CASZ1: variants seen among roughly 807,000 people sequenced by gnomAD.
CASZ1 encodes the protein castor zinc finger 1.
CASZ1 carries 28 observed loss-of-function variants against 135.2 expected under a neutral mutation model. That is an observed-to-expected ratio of 0.21 (90% CI 0.15 to 0.28). The LOEUF (loss-of-function observed/expected upper bound fraction) is 0.28. Ranked by LOEUF, CASZ1 falls within the 10% of genes least tolerant of loss-of-function variation. The pLI, the probability that CASZ1 is intolerant of heterozygous loss-of-function variation, is 1.00. For missense variants in CASZ1, 2,161 were observed against 2,453.3 expected (o/e 0.88, Z 2.52); for synonymous variants, 1,068 against 1,073.4 (o/e 0.99, Z 0.10).
At chr1:10,674,811 C>T (rs752527347) in intron 4 of CASZ1, among the ~76,000 whole-genome samples, 14 of 152,216 alleles carry the variant, frequency 9.2e-5, no homozygotes, top group Non-Finnish European at 1.9e-4. Flanking sequence ...TGCTCCCATC[C>T]CCGCTAAAGC....
intron 2 of CASZ1, among the ~76,000 whole-genome samples, chr1:10,722,325 G>T (rs1389431243): frequency 2.6e-5 from 4 of 152,238 alleles, no homozygotes; most frequent in Non-Finnish European, 5.9e-5. Flanking sequence ...AAGACACTCA[G>T]TAAAGGATGA....
rs373248558 is a variant in CASZ1, at chr1:10,644,978, C to T, written c.3807G>A (p.Ala1269=). 1.4e-5 allele frequency: 22 copies of T among 1,614,016 alleles called. No homozygotes were observed. The highest frequency in any genetic ancestry group is 1.1e-4 in the East Asian group (5 of 44,880). ...LPWHIKKHEK[A]ERRAANGFKY... is the part of the protein sequence containing the mutation. The stretch of plus-strand genomic sequence containing the variant: ...TGAAGCCATTGGCTGCCCGCCGCTC[C>T]GCCTTCTCATGCTTCTTGATGTGCC... Residue 1269 remains alanine (A), a synonymous_variant, in exon 18 of 21, where the codon GCG becomes GCA. Coordinates refer to ENST00000377022, the MANE Select transcript of CASZ1 (RefSeq NM_001079843.3).
rs1232145964 is a variant in CASZ1 at position 10,699,114 on chromosome 1, C to CT, written c.-23-5203dup. On this transcript the variant is annotated intron_variant, in intron 3 of 20. Transcript: ENST00000377022. The surrounding 1 kb of genome is among the most constrained non-coding windows in gnomAD (Gnocchi z 4.6). ...CAGAGGCTGCTTGCTCCAGGGCGTTCTCAGGGGCCCATGAGGCCTGGCAGG... is the reference window on the plus strand; with the variant it reads ...CAGAGGCTGCTTGCTCCAGGGCGTTCTTCAGGGGCCCATGAGGCCTGGCAGG... Among the ~76,000 whole-genome samples the CT allele has an allele frequency of 2.0e-5, 3 of 152,138 alleles. No homozygotes were observed. The highest frequency in any genetic ancestry group is 1.5e-5 in the Non-Finnish European group (1 of 68,018).
At chr1:10,773,403 G>T (rs971199015) in intron 1 of CASZ1, among the ~76,000 whole-genome samples, 2 of 151,946 alleles carry the variant, frequency 1.3e-5, no homozygotes, top group Non-Finnish European at 2.9e-5. Context: ...GGCTGGGGGA[G>T]GGGGCGGGGG....
At chr1:10,748,314 T>C (rs1304614093) in intron 2 of CASZ1, among the ~76,000 whole-genome samples, 18 of 152,134 alleles carry the variant, frequency 1.2e-4, no homozygotes, top group Admixed American at 1.2e-3. Flanking sequence ...CCTGTGTATA[T>C]ACCGTGTTCT....
Position 10,649,128 on chromosome 1 carries a change from C to A in CASZ1, c.3100G>T (p.Val1034Leu). Residue 1034 changes from valine to leucine, a missense_variant, in exon 15 of 21, where the codon GTG (valine) becomes TTG (leucine). By Grantham distance (32) the Val-to-Leu change is conservative. Around this residue, in one of 7 missense-constraint regions of CASZ1, gnomAD observed 349 missense variants for 460.8 expected, o/e 0.76. Coordinates refer to ENST00000377022, the MANE Select transcript of CASZ1 (RefSeq NM_001079843.3). ...AAGAGCGCGCCGCATTCCTCCACCA[C>A]GCAGTGGAAGTGGGCCTTGTGGAGG... ...DFLHKAHFHC[V>L]VEECGALFST... The A allele has an allele frequency of 6.2e-7, 1 of 1,613,746 alleles. No homozygotes were observed. The highest frequency in any genetic ancestry group is 1.1e-5 in the South Asian group (1 of 91,082).
intron 4 of CASZ1, among the ~76,000 whole-genome samples, chr1:10,690,386 C>T (rs551175374): frequency 2.0e-5 from 3 of 152,276 alleles, no homozygotes; most frequent in South Asian, 4.1e-4. Context: ...GCTTAGACAC[C>T]GTCTAGAAGA....
At chr1:10,687,448 A>T (rs1638629995) in intron 4 of CASZ1, among the ~76,000 whole-genome samples, 1 of 152,228 alleles carries the variant, frequency 6.6e-6, no homozygotes, top group African/African-American at 2.4e-5. Flanking sequence ...CCTGTGGGAC[A>T]TTCTAAGAGC....
intron 2 of CASZ1, among the ~76,000 whole-genome samples, chr1:10,744,896 G>A (rs1009700006): frequency 9.2e-5 from 14 of 152,302 alleles, no homozygotes; most frequent in Middle Eastern, 3.4e-3. Context: ...ACACGCAGAC[G>A]CATGTCTGCC....
intron 3 of CASZ1, among the ~76,000 whole-genome samples, chr1:10,703,784 A>C (rs965560539): frequency 6.6e-6 from 1 of 152,242 alleles, no homozygotes; most frequent in Non-Finnish European, 1.5e-5. Context: ...TTTGTGAGCC[A>C]AACAGTCTCC....
rs963702793 is a variant in CASZ1 at position 10,650,460 on chromosome 1, G to A, written c.2880+232C>T. 2.3e-5 allele frequency: 10 copies of A among 428,360 alleles called. No homozygotes were observed. In the Admixed American group the frequency reaches 4.1e-4, roughly 18 times the overall value. 26.5% of individuals were successfully genotyped at this position (428,360 alleles called of 1,614,324 possible). A position where few individuals can be genotyped will look rare whatever the true frequency, so the allele number is the denominator to read the frequency against. Reference sequence around the variant, plus strand: ...GCTTTTGGAGCCCTCCATCTGAAGGGAAAAAAAGGTGTCAGAGGCTGGAAT... The same window carrying A: ...GCTTTTGGAGCCCTCCATCTGAAGGAAAAAAAAGGTGTCAGAGGCTGGAAT... On this transcript the variant is annotated intron_variant, in intron 13 of 20. Coordinates refer to ENST00000377022, the MANE Select transcript of CASZ1 (RefSeq NM_001079843.3).
chr1:10,646,274 A>G lies in CASZ1; in HGVS notation c.3550T>C (p.Cys1184Arg), dbSNP rs758562023. The G allele has an allele frequency of 1.2e-6, 2 of 1,614,164 alleles. No individual in the cohort carries two copies. Among genetic ancestry groups the G allele is most frequent in the Non-Finnish European group, 8.5e-7 (1 of 1,180,024 alleles). The change falls in exon 17 of 21, where the codon TGT becomes CGT. Residue 1184 changes from cysteine (C) to arginine (R), a missense_variant. By Grantham distance (180) the Cys-to-Arg change is radical. This residue lies in a region of CASZ1 where 349 missense variants were observed against 460.8 expected (regional missense o/e 0.76). Coordinates refer to ENST00000377022, the MANE Select transcript of CASZ1 (RefSeq NM_001079843.3). The surrounding 1 kb of genome is among the most constrained non-coding windows in gnomAD (Gnocchi z 6.4). ...ACGTACTTGCAGTTCCCAAAGAGAC[A>G]GTGGAAGTGGAACTTGTTGGCGTAC... ...CKYANKFHFH[C>R]LFGNCKYVCK...
chr1:10,687,647 G>A (rs1638636889), intron 4 of CASZ1, among the ~76,000 whole-genome samples: 1 of 152,218 alleles, frequency 6.6e-6, no homozygotes, highest in Non-Finnish European at 1.5e-5. Context: ...GCAGTGGTGA[G>A]GTCTGCTCAG....
chr1:10,706,688 C>T lies in CASZ1; in HGVS notation c.-76-1144G>A, dbSNP rs1465202818. On this transcript the variant is annotated intron_variant, in intron 2 of 20. Transcript: ENST00000377022. The surrounding 1 kb of genome is among the most constrained non-coding windows in gnomAD (Gnocchi z 4.3). ...GAGGGCTCGGCTCTCCACCAGCTTT[C>T]GCCGCTTGTGTTGGGCTGCCCGGGC... Among the ~76,000 whole-genome samples, 1 of 152,202 alleles carries T rather than the reference C, an allele frequency of 6.6e-6. No individual in the cohort carries two copies. The highest frequency in any genetic ancestry group is 1.5e-5 in the Non-Finnish European group (1 of 68,028).
intron 4 of CASZ1, among the ~76,000 whole-genome samples, chr1:10,668,533 G>A (rs1421264313): frequency 1.3e-5 from 2 of 152,226 alleles, no homozygotes; most frequent in Non-Finnish European, 2.9e-5. Context: ...GGAGAGGCGA[G>A]GGGAGGGGCT....
chr1:10,646,496 A>G lies in CASZ1; in HGVS notation c.3498-170T>C, dbSNP rs533166465. Among the ~76,000 whole-genome samples the G allele has an allele frequency of 6.6e-6, 1 of 152,252 alleles. No individual in the cohort carries two copies. Among genetic ancestry groups the G allele is most frequent in the African/African-American group, 2.4e-5 (1 of 41,536 alleles). On this transcript the variant is annotated intron_variant, in intron 16 of 20. Coordinates refer to ENST00000377022, the MANE Select transcript of CASZ1 (RefSeq NM_001079843.3). The surrounding 1 kb of genome is among the most constrained non-coding windows in gnomAD (Gnocchi z 6.4). ...AGGATGACTCAGCTGGAGACTACAG[A>G]TCCCAGCATGCATTCCTGCCTCCTT... is the stretch of plus-strand genomic sequence containing the variant.
chr1:10,637,821 GAA>G lies in CASZ1; in HGVS notation c.*1119_*1120del, dbSNP rs199867187. 33 of 144,344 alleles carry G rather than the reference GAA, an allele frequency of 2.3e-4. No individual in the cohort carries two copies. The highest frequency in any genetic ancestry group is 1.0e-3 in the East Asian group (5 of 4,976). The allele number at this position is 144,344 out of a possible 1,614,324, so 8.9% of individuals were successfully genotyped here. On this transcript the variant is annotated 3_prime_UTR_variant, in exon 21 of 21. Transcript: ENST00000377022. ...CCAAACAAAGTAATAAAACAAACTG[GAA>G]AAAAAAAAAAGCCCTATAAAGCCAC...
chr1:10,646,006 T>C lies in CASZ1; in HGVS notation c.3696+122A>G. On this transcript the variant is annotated intron_variant, in intron 17 of 20. Coordinates refer to ENST00000377022, the MANE Select transcript of CASZ1 (RefSeq NM_001079843.3). This position sits in a 1 kb window ranked among gnomAD's most constrained non-coding sequence, Gnocchi z 6.4. ...CTCTTTCCAGAGTCCGGGAGGCCCA[T>C]TTAAATAAGCAAGGTGTGAGAAATG... The C allele has an allele frequency of 3.1e-6, 3 of 980,112 alleles. No homozygotes were observed. Among genetic ancestry groups the C allele is most frequent in the Non-Finnish European group, 4.7e-6 (3 of 639,350 alleles). 60.7% of individuals were successfully genotyped at this position (980,112 alleles called of 1,614,324 possible). A position where few individuals can be genotyped will look rare whatever the true frequency, so the allele number is the denominator to read the frequency against.
intron 2 of CASZ1, among the ~76,000 whole-genome samples, chr1:10,714,633 C>T (rs1184739904): frequency 1.3e-5 from 2 of 152,216 alleles, no homozygotes; most frequent in Non-Finnish European, 2.9e-5. Context: ...GAATGTGCTC[C>T]CAGGATGTCA....
Sources: gnomAD v4.1 joint callset for allele counts (sites outside exome capture counted in the v4.1 genomes callset) on GRCh38, gnomAD v4.1.1 for gene constraint, gnomAD v4.1.1 regional missense constraint, Gnocchi (gnomAD v3.1) non-coding constraint, MANE v1.5 for transcripts, NCBI Gene and HGNC (gene_info 2026-07-23, HGNC 2026-07-21) for gene names.